The following TUBE1 variants were observed in gnomAD, a reference collection of about 807,000 sequenced individuals.
TUBE1 encodes the protein tubulin epsilon 1, also known as tubulin epsilon chain.
A neutral mutation model predicts 53.5 loss-of-function variants in TUBE1; 34 were observed. The ratio of observed to expected loss-of-function variants is 0.64; its 90% CI spans 0.48 to 0.85. TUBE1 has a LOEUF of 0.85. Ranked by LOEUF, TUBE1 falls within the 40% of genes least tolerant of loss-of-function variation. The pLI, the probability that TUBE1 is intolerant of heterozygous loss-of-function variation, is 0.00. For missense variants in TUBE1, 532 were observed against 570.5 expected (o/e 0.93, Z 0.69); for synonymous variants, 177 against 198.4 (o/e 0.89, Z 0.91).
Position 112,074,743 on chromosome 6 carries a change from T to C in TUBE1, c.920A>G (p.Tyr307Cys), listed in dbSNP as rs371205053. 6.2e-7 allele frequency: 1 copy of C among 1,604,056 alleles called. No homozygotes were observed. The highest frequency in any genetic ancestry group is 8.5e-7 in the Non-Finnish European group (1 of 1,175,990). ...HYLVSSLTPL[Y>C]TLTDVNIPPR... Reference sequence around the variant, plus strand: ...AGGAATGTTAACATCTGTCAGTGTATACAGAGGTGTTAGGCTTGACACGAG... The same window carrying C: ...AGGAATGTTAACATCTGTCAGTGTACACAGAGGTGTTAGGCTTGACACGAG... Residue 307 changes from tyrosine to cysteine, a missense_variant, in exon 9 of 12, where the codon TAT becomes TGT. Coordinates refer to ENST00000368662, the MANE Select transcript of TUBE1 (RefSeq NM_016262.5).
In TUBE1 at chr6:112,071,471, G is replaced by C; in HGVS notation, c.1369C>G (p.Leu457Val). The change falls in exon 12 of 12, where the codon CTG becomes GTG. Residue 457 changes from leucine to valine, a missense_variant. By Grantham distance (32) the Leu-to-Val change is conservative. Coordinates refer to ENST00000368662, the MANE Select transcript of TUBE1 (RefSeq NM_016262.5). ...LSALIQEYDQ[L>V]DATKNMPVQD... The stretch of plus-strand genomic sequence containing the variant: ...ACAGGCATGTTTTTTGTGGCGTCCA[G>C]TTGGTCATATTCCTGTATGAGTGCT... 1 of 1,611,268 alleles carries C rather than the reference G, an allele frequency of 6.2e-7. No homozygotes were observed. The highest frequency in any genetic ancestry group is 1.1e-5 in the South Asian group (1 of 90,692).
chr6:112,087,480 T>C lies in TUBE1; in HGVS notation c.-46A>G. The stretch of plus-strand genomic sequence containing the variant: ...GGGAGCTTGCTAGCCCGCGGCCGCT[T>C]CTGCATTCCCCCAGCAACGGCGCTC... On this transcript the variant is annotated 5_prime_UTR_variant, in exon 1 of 12. Transcript: ENST00000368662. 6.5e-7 allele frequency: 1 copy of C among 1,546,016 alleles called. No homozygotes were observed. The highest frequency in any genetic ancestry group is 8.7e-7 in the Non-Finnish European group (1 of 1,144,548).
In TUBE1 at chr6:112,076,504, C is replaced by T. The variant is rs782151902; in HGVS notation, c.454G>A (p.Gly152Arg). Residue 152 changes from glycine to arginine, a missense_variant, in exon 7 of 12, where the codon GGA becomes AGA. By Grantham distance (125) the Gly-to-Arg change is moderately radical. Transcript: ENST00000368662. ...FIIHSMGGGTGSGLGTFLLKV... is the reference protein window; with the variant it reads ...FIIHSMGGGTRSGLGTFLLKV... ...AAAAGAAATGTGCCAAGTCCAGATC[C>T]TGTTCCTGAGGATTAAAGTGTTTTT... The T allele has an allele frequency of 5.6e-6, 9 of 1,593,914 alleles. No individual in the cohort carries two copies. In the Admixed American group the frequency reaches 1.3e-4, roughly 22 times the overall value.
chr6:112,075,074 T>C lies in TUBE1; in HGVS notation c.813-224A>G, dbSNP rs979884499. On this transcript the variant is annotated intron_variant, in intron 8 of 11. Transcript: ENST00000368662. ...CTACATTTTTTTTTTCTTTCTTTTT[T>C]TTTTTTTTTTGAGACAGGGTCTCGC... 41 of 240,962 alleles carry C rather than the reference T, an allele frequency of 1.7e-4. No homozygotes were observed. In the East Asian group the frequency reaches 3.1e-3, roughly 18 times the overall value. 14.9% of individuals were successfully genotyped at this position (240,962 alleles called of 1,614,324 possible).
Position 112,076,480 on chromosome 6 carries a change from A to C in TUBE1, c.478T>G (p.Leu160Val). ...GTGSGLGTFL[L>V]KVLEDEFPEV... ...GGGAATTCGTCTTCAAGCACCTTTAAAAGAAATGTGCCAAGTCCAGATCCT... is the reference window on the plus strand; with the variant it reads ...GGGAATTCGTCTTCAAGCACCTTTACAAGAAATGTGCCAAGTCCAGATCCT... Residue 160 changes from leucine to valine, a missense_variant, in exon 7 of 12, where the codon TTA becomes GTA. Physicochemically the swap from Leu to Val is conservative, Grantham distance 32 (BLOSUM62 1). Transcript: ENST00000368662. 1 of 1,610,028 alleles carries C rather than the reference A, an allele frequency of 6.2e-7. No homozygotes were observed. Among genetic ancestry groups the C allele is most frequent in the African/African-American group, 1.3e-5 (1 of 74,794 alleles).
chr6:112,087,131 C>A lies in TUBE1; in HGVS notation c.99+102G>T, dbSNP rs2114496519. Reference sequence around the variant, plus strand: ...CGTTCTTTACTGGGAAGATCCCATGCATCTTAAACGGGTCAGATGAAAGCT... The same window carrying A: ...CGTTCTTTACTGGGAAGATCCCATGAATCTTAAACGGGTCAGATGAAAGCT... On this transcript the variant is annotated intron_variant, in intron 2 of 11. Coordinates refer to ENST00000368662, the MANE Select transcript of TUBE1 (RefSeq NM_016262.5). The A allele has an allele frequency of 5.2e-6, 5 of 952,846 alleles. No individual in the cohort carries two copies. In the East Asian group the frequency reaches 1.3e-4, roughly 25 times the overall value. The allele number at this position is 952,846 out of a possible 1,614,324, so 59.0% of individuals were successfully genotyped here. A position where few individuals can be genotyped will look rare whatever the true frequency, so the allele number is the denominator to read the frequency against.
chr6:112,074,507 G>A (rs1776921187), intron 9 of TUBE1, among the ~76,000 whole-genome samples: 3 of 152,030 alleles, frequency 2.0e-5, no homozygotes, highest in African/African-American at 7.3e-5. Flanking sequence ...TTAGATTTAA[G>A]TTCAAATAGT....
intron 8 of TUBE1, chr6:112,075,064 C>CT (rs781833721): frequency 0.17 from 27,306 of 164,578 alleles, 3,249 homozygotes; most frequent in Admixed American, 0.19. Flanking sequence ...TTTTTTTTTT[C>CT]TTTCTTTTTT....
rs782443804 is a variant in TUBE1 at position 112,076,189 on chromosome 6, GA to G, written c.637-78del. The G allele has an allele frequency of 6.8e-5, 101 of 1,491,606 alleles. 1 individual carries two copies. In the South Asian group the frequency reaches 1.0e-3, roughly 15 times the overall value. The allele number at this position is 1,491,606 out of a possible 1,614,324, so 92.4% of individuals were successfully genotyped here. ...ATGATATTCTACTAGGAAAGAGAAAGAAAAACAATTTAAACTGATTTTTTCT... is the reference window on the plus strand; with the variant it reads ...ATGATATTCTACTAGGAAAGAGAAAGAAAACAATTTAAACTGATTTTTTCT... On this transcript the variant is annotated intron_variant, in intron 7 of 11. Transcript: ENST00000368662.
At chr6:112,074,525 T>C (rs1776921630) in intron 9 of TUBE1, among the ~76,000 whole-genome samples, 185 bp downstream of exon 9, 2 of 152,318 alleles carry the variant, frequency 1.3e-5, no homozygotes, top group Admixed American at 1.3e-4. Flanking sequence ...AGTTTAATAC[T>C]GGCATTTTTC....
chr6:112,072,021 G>C lies in TUBE1; in HGVS notation c.1150C>G (p.Leu384Val). 6.2e-7 allele frequency: 1 copy of C among 1,611,552 alleles called. No individual in the cohort carries two copies. Among genetic ancestry groups the C allele is most frequent in the Non-Finnish European group, 8.5e-7 (1 of 1,178,990 alleles). ...TGGCCCACAGGAGGTACGGAACACA[G>C]GCTGGTCTTCCAGCCTTCTTGATTC... ...SWNQEGWKTS[L>V]CSVPPVGHSH... Residue 384 changes from leucine to valine, a missense_variant, in exon 11 of 12, where the codon CTG becomes GTG. Coordinates refer to ENST00000368662, the MANE Select transcript of TUBE1 (RefSeq NM_016262.5).
At chr6:112,072,205 C>A (rs1554315459) in intron 10 of TUBE1, 129 bp from the exon 11 acceptor site, 7 of 632,744 alleles carry the variant, frequency 1.1e-5, no homozygotes, top group Non-Finnish European at 1.5e-5. Context: ...TTAGTTTAGA[C>A]GCTAAGTTAT....
intron 10 of TUBE1, 44 bp from the exon 11 acceptor site, chr6:112,072,120 C>CTAAAAAT (rs782545436): frequency 6.9e-7 from 1 of 1,459,330 alleles, no homozygotes; most frequent in African/African-American, 1.4e-5. Context: ...AACTAAGGTA[C>CTAAAAAT]TAAAAATGTC....
Position 112,071,401 on chromosome 6 carries a change from G to A in TUBE1, c.*11C>T, listed in dbSNP as rs1179146231. 4 of 1,473,368 alleles carry A rather than the reference G, an allele frequency of 2.7e-6. No individual in the cohort carries two copies. The highest frequency in any genetic ancestry group is 1.9e-5 in the Admixed American group (1 of 51,328). The allele number at this position is 1,473,368 out of a possible 1,614,324, so 91.3% of individuals were successfully genotyped here. A position where few individuals can be genotyped will look rare whatever the true frequency, so the allele number is the denominator to read the frequency against. On this transcript the variant is annotated 3_prime_UTR_variant, in exon 12 of 12. Transcript: ENST00000368662. Reference sequence around the variant, plus strand: ...TGTGAAATTAAGAAAGTATTTTTGAGGGTTTCTTTTTCACATAGCTATGCT... The same window carrying A: ...TGTGAAATTAAGAAAGTATTTTTGAAGGTTTCTTTTTCACATAGCTATGCT...
At chr6:112,071,850 T>A in intron 11 of TUBE1, 52 bp downstream of exon 11, 1 of 1,513,510 alleles carries the variant, frequency 6.6e-7, no homozygotes, top group South Asian at 1.3e-5. Context: ...TAAGAATACA[T>A]CTTAAATAGC....
intron 6 of TUBE1, 66 bp from the exon 7 acceptor site, chr6:112,076,575 A>G (rs1237891944): frequency 8.4e-6 from 12 of 1,425,828 alleles, no homozygotes; most frequent in Non-Finnish European, 1.1e-5. Flanking sequence ...AAGAATTTGA[A>G]ACTTTATTTT....
chr6:112,083,419 C>T (rs587766550), intron 4 of TUBE1, among the ~76,000 whole-genome samples: 95 of 151,418 alleles, frequency 6.3e-4, no homozygotes, highest in Admixed American at 2.6e-3. Context: ...CCGGGGTTCA[C>T]GCCATTTTCC....
In TUBE1 at chr6:112,076,515, G is replaced by T. The variant is rs781793670; in HGVS notation, c.449-6C>A. 6 of 1,565,706 alleles carry T rather than the reference G, an allele frequency of 3.8e-6. No homozygotes were observed. The highest frequency in any genetic ancestry group is 1.2e-5 in the South Asian group (1 of 84,172). ...GCCAAGTCCAGATCCTGTTCCTGAG[G>T]ATTAAAGTGTTTTTAAAAATTAGCA... On this transcript the variant is annotated splice_polypyrimidine_tract_variant and splice_region_variant and intron_variant, in intron 6 of 11. Transcript: ENST00000368662.
intron 6 of TUBE1, 48 bp from the exon 7 acceptor site, chr6:112,076,557 T>A (rs782659924): frequency 6.8e-7 from 1 of 1,477,178 alleles, no homozygotes; most frequent in Non-Finnish European, 9.1e-7. Context: ...ATTCAGAATA[T>A]AATTGTGAAG....
Sources: allele counts gnomAD v4.1 joint callset (sites outside exome capture counted in the v4.1 genomes callset), GRCh38; gene constraint gnomAD v4.1.1; transcripts MANE v1.5; gene names NCBI Gene and HGNC (gene_info 2026-07-23, HGNC 2026-07-21).